The following TBC1D22A variants were observed in gnomAD, a reference collection of about 807,000 sequenced individuals.
The protein encoded by TBC1D22A is TBC1 domain family member 22A, also known as putative GTPase activator.
TBC1D22A carries 38 observed loss-of-function variants against 60.2 expected under a neutral mutation model. The ratio of observed to expected loss-of-function variants is 0.63; its 90% CI spans 0.49 to 0.83. The LOEUF (loss-of-function observed/expected upper bound fraction) is 0.83, where lower values mean the gene tolerates loss of function less well. Ranked by LOEUF, TBC1D22A falls within the 40% of genes least tolerant of loss-of-function variation. The probability of loss-of-function intolerance (pLI) is 0.00; values close to 1 mark genes in which losing one functional copy is unlikely to be tolerated. For missense variants in TBC1D22A, 628 were observed against 701.0 expected, an observed-to-expected ratio of 0.90 and a Z score of 1.18; for synonymous variants, 302 against 281.7, an observed-to-expected ratio of 1.07 and a Z score of -0.72.
intron 3 of TBC1D22A, among the ~76,000 whole-genome samples, chr22:46,794,637 C>T (rs1020317488): frequency 2.0e-5 from 3 of 152,196 alleles, no homozygotes; most frequent in African/African-American, 7.2e-5. Flanking sequence ...GGGACAGATG[C>T]AGCACTGCCC....
intron 10 of TBC1D22A, among the ~76,000 whole-genome samples, chr22:47,006,663 C>G (rs1434531192): frequency 6.6e-6 from 1 of 152,322 alleles, no homozygotes; most frequent in East Asian, 1.9e-4. Flanking sequence ...TGCGTTTTCT[C>G]CCCCCGCTCT....
At chr22:46,908,443 C>T (rs2069649918) in intron 7 of TBC1D22A, among the ~76,000 whole-genome samples, 1 of 152,190 alleles carries the variant, frequency 6.6e-6, no homozygotes, top group Non-Finnish European at 1.5e-5. Flanking sequence ...CCGTTGCAGC[C>T]TGCTTGCCAC....
intron 12 of TBC1D22A, among the ~76,000 whole-genome samples, chr22:47,113,198 C>T (rs983237746): frequency 6.6e-6 from 1 of 152,334 alleles, no homozygotes; most frequent in South Asian, 2.1e-4. Flanking sequence ...TGGTTCCCAC[C>T]GGCCAGCACA....
intron 9 of TBC1D22A, among the ~76,000 whole-genome samples, chr22:46,982,380 C>T (rs183244089): frequency 5.3e-5 from 8 of 152,226 alleles, no homozygotes; most frequent in South Asian, 2.1e-4. Context: ...CCCGCCTCCA[C>T]GCCCGGCTAA....
At chr22:47,165,408 A>G (rs931180493) in intron 12 of TBC1D22A, among the ~76,000 whole-genome samples, 1 of 152,182 alleles carries the variant, frequency 6.6e-6, no homozygotes, top group Non-Finnish European at 1.5e-5. Context: ...CAGCACGGGT[A>G]TCGCTGCCCC....
chr22:46,911,561 G>A (rs780382817), intron 7 of TBC1D22A, among the ~76,000 whole-genome samples: 1 of 152,114 alleles, frequency 6.6e-6, no homozygotes, highest in Non-Finnish European at 1.5e-5. Context: ...CTGAGCCAGG[G>A]GCTGCTGAAG....
intron 12 of TBC1D22A, among the ~76,000 whole-genome samples, chr22:47,133,206 A>C (rs2066742985): frequency 6.6e-6 from 1 of 152,266 alleles, no homozygotes; most frequent in Admixed American, 6.5e-5. Context: ...AAGTGTGCAC[A>C]GGGACATCTT....
At chr22:47,134,691 G>T (rs2066799485) in intron 12 of TBC1D22A, among the ~76,000 whole-genome samples, 1 of 152,188 alleles carries the variant, frequency 6.6e-6, no homozygotes, top group Non-Finnish European at 1.5e-5. Flanking sequence ...TCAAATCTGG[G>T]GTCAGCCAGC....
chr22:47,057,282 C>G (rs377165689), intron 11 of TBC1D22A, among the ~76,000 whole-genome samples: 1 of 152,350 alleles, frequency 6.6e-6, no homozygotes, highest in African/African-American at 2.4e-5. Flanking sequence ...CAGTCCCAAG[C>G]TCCTCCTTCC....
intron 12 of TBC1D22A, among the ~76,000 whole-genome samples, chr22:47,114,688 A>C (rs1338823135): frequency 6.6e-6 from 1 of 152,134 alleles, no homozygotes; most frequent in Non-Finnish European, 1.5e-5. Context: ...GCGGCTTTAA[A>C]AGCCCTCATT....
intron 5 of TBC1D22A, among the ~76,000 whole-genome samples, chr22:46,881,360 G>A (rs1352943522): frequency 6.6e-6 from 1 of 152,200 alleles, no homozygotes; most frequent in Admixed American, 6.5e-5. Context: ...CCTGGGGCCT[G>A]CAGAACAGAT....
chr22:46,858,461 A>ACCCC (rs376169833), intron 4 of TBC1D22A, among the ~76,000 whole-genome samples: 2 of 151,448 alleles, frequency 1.3e-5, no homozygotes, highest in Non-Finnish European at 2.9e-5. Flanking sequence ...TGTGGCAAAC[A>ACCCC]CCCCCCCCAG....
chr22:47,132,391 T>C (rs1196053100), intron 12 of TBC1D22A, among the ~76,000 whole-genome samples: 3 of 152,228 alleles, frequency 2.0e-5, no homozygotes, highest in East Asian at 1.9e-4. Context: ...CTTTCTAGAA[T>C]GTGCGCTTGA....
At chr22:46,775,115 C>T (rs1215568114) in intron 1 of TBC1D22A, among the ~76,000 whole-genome samples, 2 of 152,236 alleles carry the variant, frequency 1.3e-5, no homozygotes, top group African/African-American at 4.8e-5. Flanking sequence ...ATCAGTGGCT[C>T]GGGATGTGTG....
rs56029066 is a variant in TBC1D22A, at chr22:46,841,047, G to GGTGTGTGT, written c.638-37586_638-37579dup. Among the ~76,000 whole-genome samples, 640 of 147,512 alleles carry GGTGTGTGT rather than the reference G, an allele frequency of 4.3e-3. 2 individuals carry two copies. Among genetic ancestry groups the GGTGTGTGT allele is most frequent in the South Asian group, 0.014 (65 of 4,680 alleles). ...GATGAATGAATGAGTAATGAAAATGGGTGTGTGTGTGTGTGTGTGTGTGTG... is the reference window on the plus strand; with the variant it reads ...GATGAATGAATGAGTAATGAAAATGGGTGTGTGTGTGTGTGTGTGTGTGTGTGTGTGTG... On this transcript the variant is annotated intron_variant, in intron 4 of 12. Coordinates refer to ENST00000337137, the MANE Select transcript of TBC1D22A (RefSeq NM_014346.5).
At chr22:47,135,091 C>G (rs1364920486) in intron 12 of TBC1D22A, among the ~76,000 whole-genome samples, 4 of 152,234 alleles carry the variant, frequency 2.6e-5, no homozygotes, top group African/African-American at 4.8e-5. Context: ...GAAGGGGACA[C>G]TGGCTGTGGC....
intron 12 of TBC1D22A, among the ~76,000 whole-genome samples, chr22:47,112,388 C>G (rs2065882806): frequency 6.6e-6 from 1 of 152,204 alleles, no homozygotes. Flanking sequence ...TGGGGTCAGC[C>G]ACACTTCACC....
chr22:47,055,514 A>G (rs1385164644), intron 11 of TBC1D22A, among the ~76,000 whole-genome samples: 1 of 152,222 alleles, frequency 6.6e-6, no homozygotes, highest in Admixed American at 6.5e-5. Flanking sequence ...CATTTGTGAT[A>G]TACAGCAAAG....
rs542729674 is a variant in TBC1D22A at position 47,070,101 on chromosome 22, G to A, written c.1329+32903G>A. 1.1e-3 allele frequency among the ~76,000 whole-genome samples: 160 copies of A among 141,734 alleles called. 11 individuals carry two copies. Among genetic ancestry groups the A allele is most frequent in the Non-Finnish European group, 2.0e-3 (129 of 65,908 alleles). The allele number at this position is 141,734 out of a possible 152,430, so 93.0% of individuals were successfully genotyped here. On this transcript the variant is annotated intron_variant, in intron 11 of 12. Coordinates refer to ENST00000337137, the MANE Select transcript of TBC1D22A (RefSeq NM_014346.5). ...GACGCTGTCCCCTGTTGTTTGGTTG[G>A]AGCGGAGCTGACTTGATGGTTCGAG...
Sources: allele counts gnomAD v4.1 joint callset (sites outside exome capture counted in the v4.1 genomes callset), GRCh38; gene constraint gnomAD v4.1.1; transcripts MANE v1.5; gene names NCBI Gene and HGNC (gene_info 2026-07-23, HGNC 2026-07-21).